The following TENM4 variants were observed in gnomAD, a reference collection of about 807,000 sequenced individuals.
TENM4 encodes teneurin transmembrane protein 4.
A neutral mutation model predicts 243.3 loss-of-function variants in TENM4; 82 were observed. That is an observed-to-expected ratio of 0.34 (90% CI 0.28 to 0.40). The LOEUF (loss-of-function observed/expected upper bound fraction) is 0.40. Among genes scored for constraint, TENM4 ranks in the 10% least tolerant of loss-of-function variants. The pLI, the probability that TENM4 is intolerant of heterozygous loss-of-function variation, is 1.00. For synonymous variants in TENM4, 1,412 were observed against 1,456.3 expected, an observed-to-expected ratio of 0.97 and a Z score of 0.69; for missense variants, 3,138 against 3,673.3, an observed-to-expected ratio of 0.85 and a Z score of 3.77.
intron 15 of TENM4, among the ~76,000 whole-genome samples, chr11:78,800,658 A>G (rs534275489): frequency 6.6e-6 from 1 of 152,168 alleles, no homozygotes; most frequent in South Asian, 2.1e-4. Flanking sequence ...CATTCATGCA[A>G]TAATCACCAA....
chr11:78,786,264 G>A (rs1489233884), intron 16 of TENM4, among the ~76,000 whole-genome samples: 2 of 152,242 alleles, frequency 1.3e-5, no homozygotes, highest in East Asian at 1.9e-4. Context: ...TGGAAGCTGA[G>A]GACGGGGGAA....
rs530347640 is a variant in TENM4, at chr11:78,661,981, G to A, written c.7409-390C>T. Among the ~76,000 whole-genome samples, 21 of 152,206 alleles carry A rather than the reference G, an allele frequency of 1.4e-4. 1 individual carries two copies. The South Asian group carries it at 4.2e-3, about 30-fold the overall frequency. On this transcript the variant is annotated intron_variant, in intron 32 of 33. Transcript: ENST00000278550. ...GACAGCCAGACCCACCAAAAGAAAA[G>A]ATTTTAATGATTGACTTGCAAAGAG... is the stretch of plus-strand genomic sequence containing the variant.
At chr11:79,071,988 C>T (rs1284671137) in intron 4 of TENM4, among the ~76,000 whole-genome samples, 2 of 152,076 alleles carry the variant, frequency 1.3e-5, no homozygotes, top group Non-Finnish European at 1.5e-5. Flanking sequence ...GGGTGTAACT[C>T]GAGACACACA....
intron 6 of TENM4, among the ~76,000 whole-genome samples, chr11:79,058,543 C>CAAA (rs58082527): frequency 1.9e-5 from 2 of 102,692 alleles, no homozygotes; most frequent in African/African-American, 3.1e-5. Context: ...GACTCCATCT[C>CAAA]AAAAAAAAAA....
In TENM4 at chr11:78,904,083, G is replaced by A. The variant is rs1042340638; in HGVS notation, c.494-560C>T. On this transcript the variant is annotated intron_variant, in intron 6 of 33. Coordinates refer to ENST00000278550, the MANE Select transcript of TENM4 (RefSeq NM_001098816.3). ...AAGTTTTTAAAAGTAAAACGTGGCC[G>A]GTCGCGGTGGCTCAAGCCTGTAATC... Among the ~76,000 whole-genome samples the A allele has an allele frequency of 3.0e-4, 46 of 152,022 alleles. 1 individual carries two copies. Among genetic ancestry groups the A allele is most frequent in the Non-Finnish European group, 5.9e-5 (4 of 68,002 alleles).
intron 1 of TENM4, among the ~76,000 whole-genome samples, chr11:79,334,115 A>G (rs998084633): frequency 1.4e-4 from 22 of 152,228 alleles, no homozygotes; most frequent in African/African-American, 5.3e-4. Context: ...GGCTTGTGGG[A>G]CAAAGTAAAT....
rs1425317715 is a variant in TENM4 at position 78,657,064 on chromosome 11, G to A, written c.*994C>T. 7.5e-6 allele frequency: 3 copies of A among 398,526 alleles called. No individual in the cohort carries two copies. The highest frequency in any genetic ancestry group is 1.3e-5 in the Non-Finnish European group (3 of 226,098). 24.7% of individuals were successfully genotyped at this position (398,526 alleles called of 1,614,324 possible). A position where few individuals can be genotyped will look rare whatever the true frequency, so the allele number is the denominator to read the frequency against. On this transcript the variant is annotated 3_prime_UTR_variant, in exon 34 of 34. Transcript: ENST00000278550. ...GGGCTTTGCCTCGGAAGGCAGGCTG[G>A]TGCCCTCGCCACCACTGCCATGCCT...
chr11:79,164,820 A>G (rs1310108494), intron 3 of TENM4, among the ~76,000 whole-genome samples: 1 of 151,804 alleles, frequency 6.6e-6, no homozygotes, highest in Admixed American at 6.6e-5. Context: ...ACCAGGTAAG[A>G]AGTGCCTTTC....
chr11:79,323,680 A>G (rs1856928350), intron 1 of TENM4, among the ~76,000 whole-genome samples: 1 of 152,220 alleles, frequency 6.6e-6, no homozygotes, highest in East Asian at 1.9e-4. Context: ...ATCTTCCATA[A>G]TGTGGGTAGA....
chr11:79,266,499 C>T (rs1435300166), intron 2 of TENM4, among the ~76,000 whole-genome samples: 2 of 152,152 alleles, frequency 1.3e-5, no homozygotes, highest in East Asian at 3.8e-4. Flanking sequence ...GCTCCTGTGC[C>T]CCAGAGCCCA....
At chr11:78,864,302 C>T (rs148818219) in intron 9 of TENM4, among the ~76,000 whole-genome samples, 3,276 of 150,758 alleles carry the variant, frequency 0.022, 129 homozygotes, top group African/African-American at 0.074. Context: ...GGCGTAGTGG[C>T]GGGCGCCTGT....
intron 3 of TENM4, among the ~76,000 whole-genome samples, chr11:79,209,157 A>G (rs375339448): frequency 6.6e-6 from 1 of 152,204 alleles, no homozygotes; most frequent in African/African-American, 2.4e-5. Flanking sequence ...CTCTGCAATC[A>G]TTCTGACTGC....
At chr11:79,138,595 A>T (rs1186862903) in intron 4 of TENM4, among the ~76,000 whole-genome samples, 1 of 103,480 alleles carries the variant, frequency 9.7e-6, no homozygotes, top group Non-Finnish European at 1.7e-5. Flanking sequence ...TACATAAAAC[A>T]TATATTATAT....
intron 6 of TENM4, among the ~76,000 whole-genome samples, chr11:78,950,279 C>T (rs575150045): frequency 2.6e-4 from 40 of 152,324 alleles, no homozygotes; most frequent in Admixed American, 2.5e-3. Context: ...AGCCGGAGTG[C>T]AACTCAGCGG....
intron 29 of TENM4, among the ~76,000 whole-genome samples, chr11:78,677,858 G>A (rs1387880046): frequency 7.2e-6 from 1 of 138,804 alleles, no homozygotes; most frequent in Non-Finnish European, 1.5e-5. Context: ...GTGCCATGCT[G>A]GTGCGCTGCA....
At chr11:78,707,224 T>C (rs1001714082) in intron 27 of TENM4, among the ~76,000 whole-genome samples, 22 of 152,226 alleles carry the variant, frequency 1.4e-4, no homozygotes, top group African/African-American at 4.6e-4. Flanking sequence ...TTGATGTAAC[T>C]CAATGCTCCT....
chr11:78,920,778 T>G (rs908507891), intron 6 of TENM4, among the ~76,000 whole-genome samples: 3 of 152,248 alleles, frequency 2.0e-5, no homozygotes, highest in Admixed American at 2.0e-4. Flanking sequence ...TAACTGCCCA[T>G]GCAAATCAGG....
chr11:79,370,333 C>T (rs1233670374), intron 1 of TENM4, among the ~76,000 whole-genome samples: 4 of 152,334 alleles, frequency 2.6e-5, no homozygotes, highest in African/African-American at 7.2e-5. Flanking sequence ...GCCTCTGTGC[C>T]TGACACCACA....
intron 2 of TENM4, among the ~76,000 whole-genome samples, chr11:79,272,363 C>G (rs890421623): frequency 2.0e-5 from 3 of 152,054 alleles, no homozygotes; most frequent in Admixed American, 6.6e-5. Context: ...AAAAAAATGA[C>G]AACAATTTTA....
Sources: gnomAD v4.1 joint callset for allele counts (sites outside exome capture counted in the v4.1 genomes callset) on GRCh38, gnomAD v4.1.1 for gene constraint, MANE v1.5 for transcripts, NCBI Gene and HGNC (gene_info 2026-07-23, HGNC 2026-07-21) for gene names.